The following SYN3 variants were observed in gnomAD, a reference collection of about 807,000 sequenced individuals.
SYN3 encodes the protein synapsin-3.
SYN3 carries 35 observed loss-of-function variants against 65.8 expected under a neutral mutation model. That is an observed-to-expected ratio of 0.53 (90% CI 0.41 to 0.70). The LOEUF is 0.70. Among genes scored for constraint, SYN3 ranks in the 30% least tolerant of loss-of-function variants. SYN3 has a pLI of 0.00. For synonymous variants in SYN3, 270 were observed against 292.9 expected (o/e 0.92, Z 0.80); for missense variants, 680 against 749.0 (o/e 0.91, Z 1.08).
intron 6 of SYN3, among the ~76,000 whole-genome samples, chr22:32,856,447 C>T (rs2048369100): frequency 2.0e-5 from 3 of 152,064 alleles, no homozygotes. Flanking sequence ...CACTGGACAG[C>T]TGAATAGGGG....
chr22:32,808,213 C>T (rs2046817940), intron 6 of SYN3, among the ~76,000 whole-genome samples: 1 of 152,178 alleles, frequency 6.6e-6, no homozygotes, highest in African/African-American at 2.4e-5. Context: ...CTTACATGGA[C>T]TCAGGTTCAA....
intron 6 of SYN3, among the ~76,000 whole-genome samples, chr22:32,609,645 TA>T (rs5845010): frequency 2.1e-5 from 3 of 140,062 alleles, no homozygotes; most frequent in East Asian, 4.0e-4. Flanking sequence ...CCCAGCTAAT[TA>T]AAAAAAAATA....
intron 2 of SYN3, among the ~76,000 whole-genome samples, chr22:32,991,435 G>A (rs1053257829): frequency 2.6e-5 from 4 of 151,682 alleles, no homozygotes; most frequent in African/African-American, 7.3e-5. Context: ...TCAATAACTC[G>A]ACAACACCAG....
Position 32,518,243 on chromosome 22 carries a change from G to T in SYN3, c.1410C>A (p.Ser470Arg). 2 of 1,613,584 alleles carry T rather than the reference G, an allele frequency of 1.2e-6. No homozygotes were observed. The highest frequency in any genetic ancestry group is 2.2e-5 in the South Asian group (2 of 91,028). The stretch of plus-strand genomic sequence containing the variant: ...GCTGCTGTGGAGATCCGGACTGGGG[G>T]CTCAGGGGCTGCTGGCCTTGTGGGG... ...RLSPQGQQPLSPQSGSPQQQR... is the reference protein window; with the variant it reads ...RLSPQGQQPLRPQSGSPQQQR... The change falls in exon 13 of 14, where the codon AGC becomes AGA. Residue 470 changes from serine (S) to arginine (R), a missense_variant. By Grantham distance (110) the Ser-to-Arg change is moderately radical (BLOSUM62 -1). Transcript: ENST00000358763.
intron 1 of SYN3, among the ~76,000 whole-genome samples, chr22:33,049,069 G>C (rs565075443): frequency 6.6e-6 from 1 of 152,236 alleles, no homozygotes; most frequent in East Asian, 1.9e-4. Context: ...CATGTATAAT[G>C]CAACTTTCTG....
intron 6 of SYN3, among the ~76,000 whole-genome samples, chr22:32,706,336 C>T (rs1207542583): frequency 2.0e-5 from 3 of 152,054 alleles, no homozygotes; most frequent in Admixed American, 2.0e-4. Flanking sequence ...ACCATAAGTA[C>T]AGAGAAACAA....
intron 6 of SYN3, among the ~76,000 whole-genome samples, chr22:32,645,238 G>T (rs1032448376): frequency 6.6e-6 from 1 of 152,116 alleles, no homozygotes; most frequent in African/African-American, 2.4e-5. Context: ...GATCACCTGA[G>T]GTCGGGAGTT....
At chr22:32,979,972 G>A (rs1010067980) in intron 3 of SYN3, among the ~76,000 whole-genome samples, 2 of 152,054 alleles carry the variant, frequency 1.3e-5, no homozygotes, top group Non-Finnish European at 2.9e-5. Flanking sequence ...CTCGCGGAAC[G>A]AACAGGAGAA....
At chr22:32,865,240 T>C (rs1374575100) in intron 5 of SYN3, among the ~76,000 whole-genome samples, 1 of 152,244 alleles carries the variant, frequency 6.6e-6, no homozygotes, top group Admixed American at 6.5e-5. Context: ...GGCAGAACAC[T>C]GGGTTCAGCC....
chr22:32,687,755 T>C lies in SYN3; in HGVS notation c.712-91019A>G, dbSNP rs866279031. The stretch of plus-strand genomic sequence containing the variant: ...CCTCCTCGCTTCAAGGACTTTGTCA[T>C]GCCTCCCAACCTGTCTGGCATTCTC... On this transcript the variant is annotated intron_variant, in intron 6 of 13. Coordinates refer to ENST00000358763, the MANE Select transcript of SYN3 (RefSeq NM_003490.4). Among the ~76,000 whole-genome samples the C allele has an allele frequency of 7.0e-3, 1,034 of 148,120 alleles. 14 individuals are homozygous for C. Among genetic ancestry groups the C allele is most frequent in the African/African-American group, 0.025 (987 of 40,186 alleles).
At chr22:32,556,213 GA>G (rs1467468656) in intron 7 of SYN3, among the ~76,000 whole-genome samples, 1 of 151,962 alleles carries the variant, frequency 6.6e-6, no homozygotes, top group African/African-American at 2.4e-5. Context: ...GTAACCATTT[GA>G]AAAAAAGTAC....
At chr22:32,571,702 T>C (rs1299071222) in intron 7 of SYN3, among the ~76,000 whole-genome samples, 1 of 152,140 alleles carries the variant, frequency 6.6e-6, no homozygotes, top group South Asian at 2.1e-4. Flanking sequence ...TAAAATAAAA[T>C]GAATGAAAGT....
At chr22:32,905,806 C>T (rs924063395) in intron 4 of SYN3, among the ~76,000 whole-genome samples, 4 of 152,186 alleles carry the variant, frequency 2.6e-5, no homozygotes, top group Non-Finnish European at 4.4e-5. Flanking sequence ...CTAACTTCCC[C>T]GGGTCTTGAA....
intron 6 of SYN3, among the ~76,000 whole-genome samples, chr22:32,748,559 G>T (rs2045011099): frequency 6.6e-6 from 1 of 152,178 alleles, no homozygotes; most frequent in South Asian, 2.1e-4. Flanking sequence ...GAGCATGGGA[G>T]AATTCATTCA....
chr22:33,044,555 C>T (rs1406426369), intron 1 of SYN3, among the ~76,000 whole-genome samples: 1 of 152,014 alleles, frequency 6.6e-6, no homozygotes, highest in Non-Finnish European at 1.5e-5. Flanking sequence ...TTATTCTAGC[C>T]TCTAGCCATT....
At chr22:32,542,103 G>C (rs1313900476) in intron 7 of SYN3, among the ~76,000 whole-genome samples, 1 of 152,206 alleles carries the variant, frequency 6.6e-6, no homozygotes, top group Non-Finnish European at 1.5e-5. Context: ...GGAACAGACT[G>C]TGGAGGGCCA....
At chr22:33,041,299 T>C (rs1308936850) in intron 1 of SYN3, among the ~76,000 whole-genome samples, 1 of 141,628 alleles carries the variant, frequency 7.1e-6, no homozygotes, top group Non-Finnish European at 1.6e-5. Context: ...TCTTTCTTTT[T>C]TTTTTTTTTT....
chr22:32,978,932 A>G (rs1409835663), intron 3 of SYN3, among the ~76,000 whole-genome samples: 2 of 152,186 alleles, frequency 1.3e-5, no homozygotes, highest in African/African-American at 4.8e-5. Context: ...TAATCCCAGA[A>G]CTTTAGGAGA....
chr22:32,618,223 A>G (rs949031316), intron 6 of SYN3, among the ~76,000 whole-genome samples: 1 of 152,066 alleles, frequency 6.6e-6, no homozygotes. Context: ...CCCTCAATAA[A>G]TGTTCGGGAG....
Sources: allele counts gnomAD v4.1 joint callset (sites outside exome capture counted in the v4.1 genomes callset), GRCh38; gene constraint gnomAD v4.1.1; transcripts MANE v1.5; gene names NCBI Gene and HGNC (gene_info 2026-07-23, HGNC 2026-07-21).